Variants in AKR1D1 observed in about 807,000 individuals in gnomAD.
The protein encoded by AKR1D1 is delta(4)-3-ketosteroid 5-beta-reductase.
A neutral mutation model predicts 42.6 loss-of-function variants in AKR1D1; 32 were observed. The observed-to-expected ratio is 0.75, with a 90% CI of 0.57 to 1.01. The LOEUF (loss-of-function observed/expected upper bound fraction) is 1.01, where lower values mean the gene tolerates loss of function less well. Ranked by LOEUF, AKR1D1 falls within the 50% of genes least tolerant of loss-of-function variation. The probability of loss-of-function intolerance (pLI) is 0.00; values close to 1 mark genes in which losing one functional copy is unlikely to be tolerated. For missense variants in AKR1D1, 364 were observed against 402.2 expected (o/e 0.91, Z 0.81); for synonymous variants, 123 against 135.5 (o/e 0.91, Z 0.64).
intron 1 of AKR1D1, among the ~76,000 whole-genome samples, chr7:138,077,117 C>A (rs1802954296): frequency 6.6e-6 from 1 of 152,114 alleles, no homozygotes; most frequent in Non-Finnish European, 1.5e-5. Flanking sequence ...AGATAAGGAT[C>A]AATGCTATTC....
intron 1 of AKR1D1, among the ~76,000 whole-genome samples, chr7:138,078,953 C>T (rs1802997491): frequency 6.6e-6 from 1 of 152,152 alleles, no homozygotes. Flanking sequence ...GCTCAGAACC[C>T]ATTTCTCAGG....
chr7:138,117,391 G>A lies in AKR1D1; in HGVS notation c.*729G>A, dbSNP rs1380666777. On this transcript the variant is annotated 3_prime_UTR_variant, in exon 9 of 9. Transcript: ENST00000242375. ...TCTTACTGTCAATCTTGCCTACATT[G>A]ATTATAGAACCACTATTACGTGAAA... 6.6e-6 allele frequency: 1 copy of A among 152,586 alleles called. No homozygotes were observed. The highest frequency in any genetic ancestry group is 1.5e-5 in the Non-Finnish European group (1 of 68,042). The allele number at this position is 152,586 out of a possible 1,614,324, so 9.5% of individuals were successfully genotyped here.
chr7:138,082,977 A>T (rs1192111556), intron 1 of AKR1D1, among the ~76,000 whole-genome samples: 1 of 152,192 alleles, frequency 6.6e-6, no homozygotes, highest in Non-Finnish European at 1.5e-5. Flanking sequence ...GGAAGTGCAA[A>T]TATTTCCTCA....
chr7:138,088,193 C>T (rs1793977175), intron 1 of AKR1D1, among the ~76,000 whole-genome samples: 1 of 152,132 alleles, frequency 6.6e-6, no homozygotes. Flanking sequence ...ACCAGGCCCA[C>T]TTCATTCCTT....
intron 2 of AKR1D1, among the ~76,000 whole-genome samples, chr7:138,090,027 AC>A (rs149854170): frequency 0.14 from 21,012 of 152,136 alleles, 1,500 homozygotes; most frequent in South Asian, 0.18. Flanking sequence ...TTTACAAAGC[AC>A]TCACACCGAA....
rs1043415767 is a variant in AKR1D1 at position 138,116,724 on chromosome 7, G to C, written c.*62G>C. The C allele has an allele frequency of 2.8e-5, 40 of 1,432,494 alleles. No homozygotes were observed. The highest frequency in any genetic ancestry group is 2.5e-4 in the Admixed American group (15 of 59,680). The allele number at this position is 1,432,494 out of a possible 1,614,324, so 88.7% of individuals were successfully genotyped here. On this transcript the variant is annotated 3_prime_UTR_variant, in exon 9 of 9. Coordinates refer to ENST00000242375, the MANE Select transcript of AKR1D1 (RefSeq NM_005989.4). ...GAGTGCCAAGACGGTGCAATGGGTA[G>C]TCCCCTAGATGTGAAAATGAAGAGA... is the stretch of plus-strand genomic sequence containing the variant.
rs764351944 is a variant in AKR1D1, at chr7:138,088,682, C to T, written c.175C>T (p.Gln59Ter). Residue 59 changes from glutamine (Q) to a stop codon, truncating the protein, a stop_gained, in exon 2 of 9, where the codon CAA becomes TAA. Coordinates refer to ENST00000242375, the MANE Select transcript of AKR1D1 (RefSeq NM_005989.4). LOFTEE classifies it high-confidence loss of function. Reference sequence around the variant, plus strand: ...ACATATTGATGGGGCCTACATCTACCAAAATGAACACGAAGTTGGGGAGGC... The same window carrying T: ...ACATATTGATGGGGCCTACATCTACTAAAATGAACACGAAGTTGGGGAGGC... ...YRHIDGAYIY[Q>*]NEHEVGEAIR... 6.2e-7 allele frequency: 1 copy of T among 1,613,958 alleles called. No individual in the cohort carries two copies. Among genetic ancestry groups the T allele is most frequent in the Non-Finnish European group, 8.5e-7 (1 of 1,179,976 alleles).
chr7:138,112,321 C>T (rs1794551813), intron 7 of AKR1D1, among the ~76,000 whole-genome samples: 1 of 151,860 alleles, frequency 6.6e-6, no homozygotes, highest in African/African-American at 2.4e-5. Context: ...TCATAAATGC[C>T]AATAATTGGA....
intron 4 of AKR1D1, among the ~76,000 whole-genome samples, chr7:138,100,688 A>G (rs1428002308): frequency 2.1e-5 from 3 of 145,328 alleles, no homozygotes; most frequent in African/African-American, 7.6e-5. Context: ...CCACATTTAT[A>G]GTCAGAGATT....
In AKR1D1 at chr7:138,076,612, G is replaced by T. The variant is rs916587979; in HGVS notation, c.93+1G>T. Reference sequence around the variant, plus strand: ...TGGTACCTACTCAGAACCTAAATCGGTAAGCTTATTTTTTCTCTCTTTGCT... The same window carrying T: ...TGGTACCTACTCAGAACCTAAATCGTTAAGCTTATTTTTTCTCTCTTTGCT... On this transcript the variant is annotated splice_donor_variant, in intron 1 of 8. Coordinates refer to ENST00000242375, the MANE Select transcript of AKR1D1 (RefSeq NM_005989.4). LOFTEE classifies it high-confidence loss of function. 4 of 1,608,492 alleles carry T rather than the reference G, an allele frequency of 2.5e-6. No homozygotes were observed. The highest frequency in any genetic ancestry group is 3.4e-6 in the Non-Finnish European group (4 of 1,175,630).
At chr7:138,093,669 C>A (rs895014201) in intron 3 of AKR1D1, among the ~76,000 whole-genome samples, 4 of 151,592 alleles carry the variant, frequency 2.6e-5, no homozygotes, top group African/African-American at 9.8e-5. Flanking sequence ...TTACACTTAA[C>A]ATTTTTTAAA....
At chr7:138,113,865 C>A in intron 8 of AKR1D1, 93 bp downstream of exon 8, 1 of 1,147,652 alleles carries the variant, frequency 8.7e-7, no homozygotes, top group South Asian at 1.2e-5. Context: ...GACCTATGTC[C>A]ATAGCACCAG....
chr7:138,078,385 C>A (rs150381637), intron 1 of AKR1D1, among the ~76,000 whole-genome samples: 1 of 152,140 alleles, frequency 6.6e-6, no homozygotes, highest in Non-Finnish European at 1.5e-5. Flanking sequence ...GAATGGAAGG[C>A]AGATGAGGAG....
At chr7:138,110,653 T>C (rs1794519436) in intron 7 of AKR1D1, among the ~76,000 whole-genome samples, 1 of 152,122 alleles carries the variant, frequency 6.6e-6, no homozygotes, top group Non-Finnish European at 1.5e-5. Flanking sequence ...CTCAGGAGGC[T>C]GAGGCAGGAG....
chr7:138,115,353 G>A lies in AKR1D1; in HGVS notation c.939-1267G>A, dbSNP rs139503849. ...GCTACTTAGGACGCTGAGGTGGGAG[G>A]ATCACTTGGACCCCAGACTTTGAGT... On this transcript the variant is annotated intron_variant, in intron 8 of 8. Transcript: ENST00000242375. 8.7e-3 allele frequency among the ~76,000 whole-genome samples: 1,330 copies of A among 152,184 alleles called. 13 individuals are homozygous for A. Among genetic ancestry groups the A allele is most frequent in the South Asian group, 0.046 (221 of 4,824 alleles).
intron 6 of AKR1D1, chr7:138,107,148 T>A (rs1252109121): frequency 3.2e-6 from 2 of 622,386 alleles, no homozygotes; most frequent in African/African-American, 3.6e-5. Context: ...TTTCCCTGTA[T>A]GCCAGCTCTC....
At position 138,107,463 on chromosome 7, in the gene AKR1D1, A is replaced by G. The variant is rs766018887; in HGVS notation, c.738A>G (p.Ser246=). 1 of 1,614,138 alleles carries G rather than the reference A, an allele frequency of 6.2e-7. No individual in the cohort carries two copies. The highest frequency in any genetic ancestry group is 1.1e-5 in the South Asian group (1 of 91,076). Residue 246 remains serine, a synonymous_variant, in exon 7 of 9, where the codon TCA becomes TCG. Coordinates refer to ENST00000242375, the MANE Select transcript of AKR1D1 (RefSeq NM_005989.4). ...PPLLKDALLN[S]LGKRYNKTAA... is the part of the protein sequence containing the mutation. ...TGTTAAAGGATGCACTTCTAAACTC[A>G]TTGGGGAAAAGGTACAATAAGACAG...
chr7:138,107,586 A>G lies in AKR1D1; in HGVS notation c.855+6A>G, dbSNP rs758011839. 1 of 1,613,320 alleles carries G rather than the reference A, an allele frequency of 6.2e-7. No homozygotes were observed. Among genetic ancestry groups the G allele is most frequent in the South Asian group, 1.1e-5 (1 of 91,050 alleles). On this transcript the variant is annotated splice_donor_region_variant and intron_variant, in intron 7 of 8. Transcript: ENST00000242375. ...GGATCAAAGAAAATTTTCAGGTAAGAGAATTGCTTTTGGAGATGTGAAAAG... is the reference window on the plus strand; with the variant it reads ...GGATCAAAGAAAATTTTCAGGTAAGGGAATTGCTTTTGGAGATGTGAAAAG...
chr7:138,082,663 A>G (rs1803082574), intron 1 of AKR1D1, among the ~76,000 whole-genome samples: 1 of 152,224 alleles, frequency 6.6e-6, no homozygotes. Context: ...TGCTGAGATT[A>G]TAGGCATGAG....
Sources: gnomAD v4.1 joint callset for allele counts (sites outside exome capture counted in the v4.1 genomes callset) on GRCh38, gnomAD v4.1.1 for gene constraint, MANE v1.5 for transcripts, NCBI Gene and HGNC (gene_info 2026-07-23, HGNC 2026-07-21) for gene names.